XXYLT1: variants seen among roughly 807,000 people sequenced by gnomAD.
XXYLT1 encodes the protein xyloside xylosyltransferase 1.
A neutral mutation model predicts 28.9 loss-of-function variants in XXYLT1; 20 were observed. The observed-to-expected ratio is 0.69, with a 90% confidence interval of 0.49 to 1.00. The LOEUF (loss-of-function observed/expected upper bound fraction) is 1.00, where lower values mean the gene tolerates loss of function less well. Among genes scored for constraint, XXYLT1 ranks in the 50% least tolerant of loss-of-function variants. The probability of loss-of-function intolerance (pLI) is 0.00; values close to 1 mark genes in which losing one functional copy is unlikely to be tolerated. For synonymous variants in XXYLT1, 257 were observed against 253.8 expected (o/e 1.01, Z -0.12); for missense variants, 542 against 560.1 (o/e 0.97, Z 0.33).
rs10576287 is a variant in XXYLT1, at chr3:195,185,503, GTTT to G, written c.653-28925_653-28923del. 2.9e-3 allele frequency among the ~76,000 whole-genome samples: 370 copies of G among 126,132 alleles called. 1 individual carries two copies. The highest frequency in any genetic ancestry group is 9.6e-3 in the African/African-American group (323 of 33,750). The allele number at this position is 126,132 out of a possible 152,430, so 82.7% of individuals were successfully genotyped here. A position where few individuals can be genotyped will look rare whatever the true frequency, so the allele number is the denominator to read the frequency against. The stretch of plus-strand genomic sequence containing the variant: ...TTGGTCCAGAGAGGTTTAGGGCTGG[GTTT>G]TTTTTTTTTTTTTTTTCACTTTGAT... On this transcript the variant is annotated intron_variant, in intron 2 of 3. Transcript: ENST00000310380.
intron 3 of XXYLT1, among the ~76,000 whole-genome samples, chr3:195,110,836 G>C (rs796279244): frequency 4.3e-5 from 2 of 46,526 alleles, no homozygotes; most frequent in East Asian, 7.9e-4. Context: ...GTGTGTGTGT[G>C]GTGTGTTGTG....
At chr3:195,093,688 T>A (rs1434758006) in intron 3 of XXYLT1, 1 of 142,750 alleles carries the variant, frequency 7.0e-6, no homozygotes, top group African/African-American at 2.7e-5. Context: ...AATAAAAAAA[T>A]AAAAATAAAT....
intron 2 of XXYLT1, among the ~76,000 whole-genome samples, chr3:195,221,186 GTCAAGGTCA>G (rs1723807956): frequency 1.3e-5 from 2 of 152,192 alleles, no homozygotes; most frequent in African/African-American, 2.4e-5. Context: ...TCTCAAAACT[GTCAAGGTCA>G]TCAAAAACAA....
At chr3:195,149,191 T>A (rs1720043212) in intron 3 of XXYLT1, among the ~76,000 whole-genome samples, 1 of 152,188 alleles carries the variant, frequency 6.6e-6, no homozygotes, top group Admixed American at 6.5e-5. Context: ...TACAAAGGTA[T>A]AGAGAGTTTA....
intron 3 of XXYLT1, among the ~76,000 whole-genome samples, chr3:195,083,740 G>A (rs373814481): frequency 6.6e-5 from 10 of 152,124 alleles, no homozygotes; most frequent in African/African-American, 1.9e-4. Context: ...GAGTTACTGC[G>A]CCTGGCGGTG....
At chr3:195,171,192 C>G (rs548844813) in intron 2 of XXYLT1, among the ~76,000 whole-genome samples, 1 of 152,222 alleles carries the variant, frequency 6.6e-6, no homozygotes, top group Non-Finnish European at 1.5e-5. Context: ...GCTTCGGGAA[C>G]TGGGCATGGA....
intron 3 of XXYLT1, among the ~76,000 whole-genome samples, chr3:195,071,837 G>T (rs1458503100): frequency 1.3e-5 from 2 of 152,148 alleles, no homozygotes; most frequent in Non-Finnish European, 2.9e-5. Flanking sequence ...GGGGCAGTGG[G>T]TGCTTTACCA....
At chr3:195,236,581 T>TC in intron 1 of XXYLT1, among the ~76,000 whole-genome samples, 1 of 151,624 alleles carries the variant, frequency 6.6e-6, no homozygotes, top group East Asian at 1.9e-4. Context: ...CAGTTGGTGC[T>TC]CCCCCTATGT....
intron 3 of XXYLT1, among the ~76,000 whole-genome samples, chr3:195,081,935 A>C (rs565000790): frequency 6.6e-6 from 1 of 152,320 alleles, no homozygotes; most frequent in East Asian, 1.9e-4. Context: ...CGAATCGGCC[A>C]GAGGATTCTT....
At chr3:195,206,200 C>T (rs1463296775) in intron 2 of XXYLT1, among the ~76,000 whole-genome samples, 6 of 151,204 alleles carry the variant, frequency 4.0e-5, no homozygotes, top group Non-Finnish European at 5.9e-5. Context: ...TTAGTAGAGA[C>T]GGGGCTTCAC....
rs1560121435 is a variant in XXYLT1 at position 195,150,446 on chromosome 3, T to TC, written c.785+6002dup. Among the ~76,000 whole-genome samples the TC allele has an allele frequency of 6.6e-6, 1 of 152,114 alleles. No homozygotes were observed. The highest frequency in any genetic ancestry group is 1.5e-5 in the Non-Finnish European group (1 of 68,028). ...ACGCAGCCTGCAGAGAAGCTTTCCT[T>TC]CCGAGCGTCTGGAAGAACCCGAGGC... On this transcript the variant is annotated intron_variant, in intron 3 of 3. Transcript: ENST00000310380. This position sits in a 1 kb window ranked among gnomAD's most constrained non-coding sequence, Gnocchi z 4.7.
chr3:195,228,731 G>A (rs1216719155), intron 1 of XXYLT1, among the ~76,000 whole-genome samples: 4 of 151,296 alleles, frequency 2.6e-5, no homozygotes, highest in Non-Finnish European at 4.4e-5. Flanking sequence ...CTCGTGATGC[G>A]CCCGCCTCGG....
chr3:195,184,766 C>T, intron 2 of XXYLT1: 2 of 985,400 alleles, frequency 2.0e-6, no homozygotes, highest in Non-Finnish European at 2.4e-6. Context: ...TTCCAGGGAA[C>T]TTAGCATTCT....
intron 3 of XXYLT1, among the ~76,000 whole-genome samples, chr3:195,119,201 T>C (rs749394796): frequency 6.0e-5 from 9 of 150,868 alleles, no homozygotes; most frequent in Non-Finnish European, 1.3e-4. Flanking sequence ...GGAGAATCAC[T>C]TGAACCTGGG....
rs781767234 is a variant in XXYLT1, at chr3:195,226,802, C to T, written c.559G>A (p.Ala187Thr). 1.2e-6 allele frequency: 2 copies of T among 1,613,834 alleles called. No individual in the cohort carries two copies. The highest frequency in any genetic ancestry group is 1.1e-5 in the South Asian group (1 of 91,036). Reference protein sequence around the residue: ...LTDKLFPIVEAMQKHFSAGLG... With the variant: ...LTDKLFPIVETMQKHFSAGLG... The stretch of plus-strand genomic sequence containing the variant: ...CCAGCACTGAAGTGCTTCTGCATGG[C>T]CTCCACGATGGGGAAGAGCTTATCC... The change falls in exon 2 of 4, where the codon GCC becomes ACC. Residue 187 changes from alanine to threonine, a missense_variant. Coordinates refer to ENST00000310380, the MANE Select transcript of XXYLT1 (RefSeq NM_152531.5).
chr3:195,225,819 G>A (rs115551450), intron 2 of XXYLT1, among the ~76,000 whole-genome samples: 4,010 of 152,152 alleles, frequency 0.026, 171 homozygotes, highest in African/African-American at 0.09. Context: ...GAGATCCAAC[G>A]GTTTTATAAG....
chr3:195,170,454 A>C (rs1201136752), intron 2 of XXYLT1, among the ~76,000 whole-genome samples: 3 of 152,226 alleles, frequency 2.0e-5, no homozygotes, highest in East Asian at 1.9e-4. Context: ...TTCCGAAGCC[A>C]AGTCCGCTCC....
chr3:195,071,373 T>G (rs555000984), intron 3 of XXYLT1, among the ~76,000 whole-genome samples: 2 of 152,326 alleles, frequency 1.3e-5, no homozygotes, highest in South Asian at 4.1e-4. Flanking sequence ...CCGGAGACCC[T>G]GCCCAGGGTG....
intron 2 of XXYLT1, among the ~76,000 whole-genome samples, chr3:195,175,427 G>A (rs1215787142): frequency 6.6e-6 from 1 of 152,212 alleles, no homozygotes; most frequent in East Asian, 1.9e-4. Context: ...TTTGTTTCTG[G>A]CTCAAGCAAC....
Sources: allele counts gnomAD v4.1 joint callset (sites outside exome capture counted in the v4.1 genomes callset), GRCh38; gene constraint gnomAD v4.1.1; non-coding constraint Gnocchi (gnomAD v3.1); transcripts MANE v1.5; gene names NCBI Gene and HGNC (gene_info 2026-07-23, HGNC 2026-07-21).